Variants in EYS observed in about 807,000 individuals in gnomAD.
EYS encodes the protein protein eyes shut homolog.
EYS carries 250 observed loss-of-function variants against 282.1 expected under a neutral mutation model. That is an observed-to-expected ratio of 0.89 (90% confidence interval 0.80 to 0.98). The LOEUF (loss-of-function observed/expected upper bound fraction) is 0.98. Among genes scored for constraint, EYS ranks in the 50% least tolerant of loss-of-function variants. EYS has a pLI of 0.00. For synonymous variants in EYS, 1,355 were observed against 1,282.9 expected, an observed-to-expected ratio of 1.06 and a Z score of -1.20; for missense variants, 4,016 against 3,709.0, an observed-to-expected ratio of 1.08 and a Z score of -2.15.
At chr6:64,546,374 C>A (rs59705768) in intron 26 of EYS, among the ~76,000 whole-genome samples, 3 of 151,958 alleles carry the variant, frequency 2.0e-5, no homozygotes, top group East Asian at 1.9e-4. Context: ...AATTAATTCA[C>A]GTGGATTAAA....
intron 28 of EYS, among the ~76,000 whole-genome samples, chr6:64,389,370 T>C (rs1773023870): frequency 6.6e-6 from 1 of 152,204 alleles, no homozygotes; most frequent in African/African-American, 2.4e-5. Flanking sequence ...ATAATTTCCA[T>C]ATGCCCATTC....
At chr6:64,031,534 A>T in intron 33 of EYS, among the ~76,000 whole-genome samples, 1 of 152,244 alleles carries the variant, frequency 6.6e-6, no homozygotes, top group East Asian at 1.9e-4. Context: ...ACTGGCAGGC[A>T]GCTCCACCTG....
At chr6:64,701,875 A>G (rs1770803559) in intron 22 of EYS, among the ~76,000 whole-genome samples, 1 of 152,078 alleles carries the variant, frequency 6.6e-6, no homozygotes, top group Non-Finnish European at 1.5e-5. Flanking sequence ...CTCAAAAATT[A>G]AAAGAGCAGA....
chr6:65,581,173 A>T (rs1706731863), intron 2 of EYS, among the ~76,000 whole-genome samples: 1 of 152,176 alleles, frequency 6.6e-6, no homozygotes, highest in South Asian at 2.1e-4. Context: ...TGTGGGTCTA[A>T]TCAGTAATAT....
intron 28 of EYS, among the ~76,000 whole-genome samples, chr6:64,389,669 G>A (rs540253100): frequency 3.3e-5 from 5 of 152,276 alleles, no homozygotes; most frequent in African/African-American, 1.2e-4. Flanking sequence ...AACCCTTATA[G>A]AAAAAGTTGG....
intron 13 of EYS, among the ~76,000 whole-genome samples, chr6:65,054,540 G>T (rs2150156139): frequency 6.6e-6 from 1 of 152,036 alleles, no homozygotes; most frequent in South Asian, 2.1e-4. Flanking sequence ...AAAAGAAAAA[G>T]ATAAACATGT....
At chr6:64,059,297 A>G (rs1181350611) in intron 33 of EYS, among the ~76,000 whole-genome samples, 1 of 152,136 alleles carries the variant, frequency 6.6e-6, no homozygotes, top group Non-Finnish European at 1.5e-5. Context: ...GGCATTTGGT[A>G]AGATGAGGAT....
intron 22 of EYS, among the ~76,000 whole-genome samples, chr6:64,684,422 A>G (rs1178107372): frequency 6.6e-6 from 1 of 152,172 alleles, no homozygotes; most frequent in Non-Finnish European, 1.5e-5. Context: ...CCTGCATTTC[A>G]GTAAATGCTA....
chr6:64,452,750 C>A (rs1467817744), intron 26 of EYS, among the ~76,000 whole-genome samples: 2 of 152,136 alleles, frequency 1.3e-5, no homozygotes, highest in Non-Finnish European at 2.9e-5. Context: ...CAAAAACAAG[C>A]AATGGGGAAA....
At chr6:65,482,182 A>G (rs1765632883) in intron 5 of EYS, among the ~76,000 whole-genome samples, 1 of 152,200 alleles carries the variant, frequency 6.6e-6, no homozygotes, top group East Asian at 1.9e-4. Context: ...AAGTTTGACA[A>G]TGTAAAACTA....
chr6:64,193,685 G>A (rs1318494456), intron 31 of EYS, among the ~76,000 whole-genome samples: 1 of 151,824 alleles, frequency 6.6e-6, no homozygotes, highest in African/African-American at 2.4e-5. Flanking sequence ...GGTGTGTGAT[G>A]TTCCCCACCC....
chr6:63,938,623 AC>A (rs1182392038), intron 35 of EYS, among the ~76,000 whole-genome samples: 1 of 152,190 alleles, frequency 6.6e-6, no homozygotes, highest in East Asian at 1.9e-4. Context: ...GATTCTATAA[AC>A]TTTTGACTTA....
chr6:63,899,245 C>A (rs1773606021), intron 35 of EYS, among the ~76,000 whole-genome samples: 1 of 152,148 alleles, frequency 6.6e-6, no homozygotes, highest in African/African-American at 2.4e-5. Flanking sequence ...CTTCCCTTCA[C>A]CCTGTTTTCT....
intron 12 of EYS, among the ~76,000 whole-genome samples, chr6:65,112,392 T>C (rs1218840725): frequency 6.6e-6 from 1 of 152,138 alleles, no homozygotes; most frequent in Non-Finnish European, 1.5e-5. Context: ...TCATCTAATT[T>C]TCAACTTGCG....
At chr6:64,613,545 T>C (rs963480565) in intron 24 of EYS, among the ~76,000 whole-genome samples, 1 of 152,102 alleles carries the variant, frequency 6.6e-6, no homozygotes, top group African/African-American at 2.4e-5. Context: ...AAGGAAAACT[T>C]CTGCCCCCAA....
intron 10 of EYS, among the ~76,000 whole-genome samples, chr6:65,335,981 T>C (rs13217922): frequency 0.18 from 27,649 of 151,572 alleles, 3,039 homozygotes; most frequent in Middle Eastern, 0.27. Flanking sequence ...TGAGATCTGG[T>C]TGTGTAAAAG....
chr6:64,489,223 A>G (rs1936954344), intron 26 of EYS, among the ~76,000 whole-genome samples: 1 of 150,866 alleles, frequency 6.6e-6, no homozygotes, highest in Admixed American at 6.6e-5. Context: ...AATTTATAAT[A>G]TATCATTGTA....
intron 33 of EYS, among the ~76,000 whole-genome samples, chr6:64,052,037 A>G (rs898744510): frequency 6.6e-6 from 1 of 152,222 alleles, no homozygotes; most frequent in African/African-American, 2.4e-5. Flanking sequence ...TTCATCAGAA[A>G]AATGAGGGGA....
At chr6:64,310,650 C>G (rs78928905) in intron 29 of EYS, among the ~76,000 whole-genome samples, 1,823 of 152,134 alleles carry the variant, frequency 0.012, 26 homozygotes, top group East Asian at 0.049. Flanking sequence ...GGCTTAATAC[C>G]TCAATGATGA....
Sources: gnomAD v4.1 joint callset for allele counts (sites outside exome capture counted in the v4.1 genomes callset) on GRCh38, gnomAD v4.1.1 for gene constraint, MANE v1.5 for transcripts, NCBI Gene and HGNC (gene_info 2026-07-23, HGNC 2026-07-21) for gene names.